The following TENM2 variants were observed in gnomAD, a reference collection of about 807,000 sequenced individuals.
TENM2 encodes teneurin transmembrane protein 2, also known as teneurin-2.
A neutral mutation model predicts 245.2 loss-of-function variants in TENM2; 52 were observed. The observed-to-expected ratio is 0.21, with a 90% CI of 0.17 to 0.27. The LOEUF (loss-of-function observed/expected upper bound fraction) is 0.27. Among genes scored for constraint, TENM2 ranks in the 10% least tolerant of loss-of-function variants. The probability of loss-of-function intolerance (pLI) is 1.00; values close to 1 mark genes in which losing one functional copy is unlikely to be tolerated. For missense variants in TENM2, 3,046 were observed against 3,666.8 expected, an observed-to-expected ratio of 0.83 and a Z score of 4.37; for synonymous variants, 1,363 against 1,438.9, an observed-to-expected ratio of 0.95 and a Z score of 1.19.
intron 2 of TENM2, among the ~76,000 whole-genome samples, chr5:167,792,703 G>A (rs545768667): frequency 6.6e-6 from 1 of 151,598 alleles, no homozygotes; most frequent in African/African-American, 2.4e-5. Context: ...AAATCTGCAT[G>A]GGGGTCTTAC....
chr5:167,379,338 G>A (rs1187696177), intron 2 of TENM2, among the ~76,000 whole-genome samples: 1 of 152,122 alleles, frequency 6.6e-6, no homozygotes, highest in African/African-American at 2.4e-5. Context: ...GGTACTCACT[G>A]CTTGTTAACT....
intron 2 of TENM2, among the ~76,000 whole-genome samples, chr5:167,671,953 T>A (rs770050371): frequency 6.6e-6 from 1 of 152,030 alleles, no homozygotes; most frequent in Admixed American, 6.6e-5. Flanking sequence ...TGCACTGTGC[T>A]GGGATAAATG....
chr5:167,229,199 G>A, the TENM2 span, among the ~76,000 whole-genome samples: 1 of 152,206 alleles, frequency 6.6e-6, no homozygotes, highest in Admixed American at 6.5e-5. Flanking sequence ...GTTATTAGTG[G>A]AGGCTGTGGT....
chr5:167,228,627 A>G, the TENM2 span, among the ~76,000 whole-genome samples: 2 of 143,892 alleles, frequency 1.4e-5, no homozygotes, highest in Non-Finnish European at 3.0e-5. Flanking sequence ...TAGAGGTGCA[A>G]TATTTCCTTA....
intron 13 of TENM2, among the ~76,000 whole-genome samples, chr5:168,173,482 G>A (rs549827176): frequency 4.6e-5 from 7 of 152,186 alleles, no homozygotes; most frequent in South Asian, 2.1e-4. Flanking sequence ...AGTGAGTGTC[G>A]CCTTCACTTT....
At chr5:168,261,716 C>T (rs1768201754) in intron 28 of TENM2, among the ~76,000 whole-genome samples, 1 of 152,182 alleles carries the variant, frequency 6.6e-6, no homozygotes, top group African/African-American at 2.4e-5. Context: ...GGGCACTTCC[C>T]GAGTGGTGGC....
chr5:167,739,496 C>T (rs1048094545), intron 2 of TENM2, among the ~76,000 whole-genome samples: 2 of 152,128 alleles, frequency 1.3e-5, no homozygotes, highest in Non-Finnish European at 2.9e-5. Flanking sequence ...GCAAAAGTCT[C>T]TACCCTAGGA....
intron 2 of TENM2, among the ~76,000 whole-genome samples, chr5:167,727,568 T>G (rs188075104): frequency 3.1e-4 from 47 of 152,378 alleles, no homozygotes; most frequent in Admixed American, 5.2e-4. Flanking sequence ...AACGTAGATA[T>G]ATTTGTTCAT....
chr5:167,585,493 A>G (rs1171481010), intron 2 of TENM2, among the ~76,000 whole-genome samples: 1 of 152,210 alleles, frequency 6.6e-6, no homozygotes, highest in Non-Finnish European at 1.5e-5. Flanking sequence ...ATGATGCAGA[A>G]TAAATATATA....
At chr5:167,305,413 A>T (rs1296072040) in intron 1 of TENM2, among the ~76,000 whole-genome samples, 5 of 152,222 alleles carry the variant, frequency 3.3e-5, no homozygotes, top group Non-Finnish European at 7.3e-5. Context: ...TGGCTAACGA[A>T]AACAGTAATA....
At chr5:167,140,100 T>C in the TENM2 span, among the ~76,000 whole-genome samples, 3 of 152,210 alleles carry the variant, frequency 2.0e-5, no homozygotes, top group African/African-American at 7.2e-5. Context: ...CTAATTCCAA[T>C]GCTGAGTTTG....
intron 2 of TENM2, among the ~76,000 whole-genome samples, chr5:167,745,920 C>T (rs984246376): frequency 2.6e-5 from 4 of 152,158 alleles, no homozygotes; most frequent in Non-Finnish European, 4.4e-5. Flanking sequence ...CAATTTGGGG[C>T]TCTTATGATG....
chr5:168,223,035 C>T lies in TENM2; in HGVS notation c.5109-3053C>T, dbSNP rs149900690. ...CCCATTGCTGGAACTTACAGCGCTT[C>T]ACTCCTACATGCAGTCATTTGCAAA... On this transcript the variant is annotated intron_variant, in intron 23 of 28. Coordinates refer to ENST00000518659, the Ensembl canonical transcript of TENM2. Among the ~76,000 whole-genome samples the T allele has an allele frequency of 3.9e-5, 6 of 152,348 alleles. No homozygotes were observed. In the East Asian group the frequency reaches 1.2e-3, roughly 29 times the overall value.
At chr5:167,095,083 A>G in the TENM2 span, among the ~76,000 whole-genome samples, 1 of 152,160 alleles carries the variant, frequency 6.6e-6, no homozygotes, top group Non-Finnish European at 1.5e-5. Flanking sequence ...CACTTATTGT[A>G]TACTAGGTCT....
rs376800570 is a variant in TENM2, at chr5:167,590,151, A to C, written c.502+214678A>C. On this transcript the variant is annotated intron_variant, in intron 2 of 28. Coordinates refer to ENST00000518659, the Ensembl canonical transcript of TENM2. ...GATTGCAATATTTTTAGGATATAAG[A>C]AACTTCTGCTTGTTGTATTCATAGC... 1.7e-3 allele frequency among the ~76,000 whole-genome samples: 263 copies of C among 152,110 alleles called. 12 individuals carry two copies. The South Asian group carries it at 0.053, about 30-fold the overall frequency.
At chr5:167,458,839 A>C (rs1766105915) in intron 2 of TENM2, among the ~76,000 whole-genome samples, 1 of 152,238 alleles carries the variant, frequency 6.6e-6, no homozygotes, top group Non-Finnish European at 1.5e-5. Flanking sequence ...GATCCAAAGT[A>C]GCACACTGTG....
intron 5 of TENM2, among the ~76,000 whole-genome samples, chr5:168,013,195 A>G (rs1650359917): frequency 6.6e-6 from 1 of 152,174 alleles, no homozygotes; most frequent in Admixed American, 6.5e-5. Flanking sequence ...CTTGTTTCAA[A>G]AGAGTCTAGG....
At chr5:167,822,104 A>G (rs939555781) in intron 2 of TENM2, among the ~76,000 whole-genome samples, 1 of 151,976 alleles carries the variant, frequency 6.6e-6, no homozygotes, top group Non-Finnish European at 1.5e-5. Context: ...CTGTTTGGAC[A>G]CTTTTCCAGC....
At chr5:167,019,620 C>A in the TENM2 span, among the ~76,000 whole-genome samples, 1 of 151,892 alleles carries the variant, frequency 6.6e-6, no homozygotes, top group African/African-American at 2.4e-5. Context: ...ACAGGTGTGC[C>A]CCACCATGCC....
Sources: gnomAD v4.1 joint callset for allele counts (sites outside exome capture counted in the v4.1 genomes callset) on GRCh38, gnomAD v4.1.1 for gene constraint, MANE v1.5 for transcripts, NCBI Gene and HGNC (gene_info 2026-07-23, HGNC 2026-07-21) for gene names.